MACROD2: variants seen among roughly 807,000 people sequenced by gnomAD.
The protein encoded by MACROD2 is mono-ADP ribosylhydrolase 2, also known as ADP-ribose glycohydrolase MACROD2.
Under a neutral mutation model 70.4 loss-of-function variants are expected in MACROD2, and 36 were observed. That is an observed-to-expected ratio of 0.51 (90% CI 0.39 to 0.68). The LOEUF is 0.68. Among genes scored for constraint, MACROD2 ranks in the 30% least tolerant of loss-of-function variants. MACROD2 has a pLI of 0.00. For missense variants in MACROD2, 496 were observed against 538.4 expected (o/e 0.92, Z 0.78); for synonymous variants, 172 against 178.8 (o/e 0.96, Z 0.30).
chr20:14,178,199 A>G (rs985018578), intron 3 of MACROD2, among the ~76,000 whole-genome samples: 1 of 152,186 alleles, frequency 6.6e-6, no homozygotes, highest in Non-Finnish European at 1.5e-5. Context: ...AAAAGTCTAA[A>G]GAAATCTTCT....
At chr20:15,719,007 T>C (rs1441525332) in intron 8 of MACROD2, among the ~76,000 whole-genome samples, 3 of 152,212 alleles carry the variant, frequency 2.0e-5, no homozygotes, top group African/African-American at 7.2e-5. Context: ...TAAACAGTTT[T>C]CTAATCCTAA....
At chr20:15,288,734 T>C (rs2077514101) in intron 6 of MACROD2, among the ~76,000 whole-genome samples, 1 of 152,140 alleles carries the variant, frequency 6.6e-6, no homozygotes, top group African/African-American at 2.4e-5. Context: ...GGATTTGTAC[T>C]GAGTCATGCT....
chr20:14,971,778 C>T (rs769708202), intron 5 of MACROD2, among the ~76,000 whole-genome samples: 1 of 152,084 alleles, frequency 6.6e-6, no homozygotes, highest in Non-Finnish European at 1.5e-5. Context: ...CCACCCCACC[C>T]TAATCTTATA....
chr20:14,796,319 T>C lies in MACROD2; in HGVS notation c.418+111360T>C, dbSNP rs551589052. Among the ~76,000 whole-genome samples, 20 of 152,210 alleles carry C rather than the reference T, an allele frequency of 1.3e-4. No homozygotes were observed. In the East Asian group the frequency reaches 2.9e-3, roughly 22 times the overall value. ...ACTGTAGGGCATTCGCTGAAAATGA[T>C]GACCAAGAATTGTTTAAGTGCAACC... On this transcript the variant is annotated intron_variant, in intron 5 of 17. Transcript: ENST00000684519.
At chr20:15,899,567 C>G (rs1446664527) in intron 10 of MACROD2, among the ~76,000 whole-genome samples, 1 of 152,164 alleles carries the variant, frequency 6.6e-6, no homozygotes, top group Non-Finnish European at 1.5e-5. Context: ...CTATATGTTG[C>G]TAAGTTCAGT....
chr20:14,258,217 C>A (rs1479746063), intron 3 of MACROD2, among the ~76,000 whole-genome samples: 1 of 152,036 alleles, frequency 6.6e-6, no homozygotes, highest in Non-Finnish European at 1.5e-5. Context: ...TGTCTTTTTT[C>A]ATATAATGAC....
intron 5 of MACROD2, among the ~76,000 whole-genome samples, chr20:14,966,468 C>T (rs1326773266): frequency 6.6e-6 from 1 of 152,124 alleles, no homozygotes; most frequent in African/African-American, 2.4e-5. Context: ...CCCAGCTACT[C>T]AGGAGGCTGA....
intron 5 of MACROD2, among the ~76,000 whole-genome samples, chr20:15,173,205 T>G (rs1308796806): frequency 6.6e-6 from 1 of 152,176 alleles, no homozygotes; most frequent in Non-Finnish European, 1.5e-5. Context: ...CTTTATCTAA[T>G]ATATAATTAA....
At chr20:14,643,703 C>A (rs1228732453) in intron 4 of MACROD2, among the ~76,000 whole-genome samples, 1 of 152,140 alleles carries the variant, frequency 6.6e-6, no homozygotes, top group Non-Finnish European at 1.5e-5. Context: ...GTTAGATAGT[C>A]ATGTGGTTTA....
intron 3 of MACROD2, among the ~76,000 whole-genome samples, chr20:14,116,846 A>C (rs1396759222): frequency 1.3e-5 from 2 of 152,130 alleles, no homozygotes; most frequent in Non-Finnish European, 2.9e-5. Context: ...AGGCAGTTGG[A>C]TCACGAGGTC....
intron 6 of MACROD2, among the ~76,000 whole-genome samples, chr20:15,311,933 TA>T (rs1223172767): frequency 6.6e-6 from 1 of 151,790 alleles, no homozygotes; most frequent in African/African-American, 2.4e-5. Flanking sequence ...GAATCTAAAA[TA>T]AAAGTTGAAA....
chr20:15,759,939 G>T (rs952937673), intron 8 of MACROD2, among the ~76,000 whole-genome samples: 1 of 152,116 alleles, frequency 6.6e-6, no homozygotes, highest in Non-Finnish European at 1.5e-5. Flanking sequence ...TTCCCAAGAG[G>T]AGAACTGAAT....
chr20:15,552,945 A>G (rs1176302631), intron 8 of MACROD2: 6 of 152,148 alleles, frequency 3.9e-5, no homozygotes, highest in Non-Finnish European at 7.4e-5. Context: ...TCCCAAATAA[A>G]CTAACTGAAT....
intron 3 of MACROD2, among the ~76,000 whole-genome samples, chr20:14,141,865 TA>T (rs1349655067): frequency 1.3e-5 from 2 of 151,576 alleles, no homozygotes; most frequent in Non-Finnish European, 2.9e-5. Flanking sequence ...TTTTTCAGCT[TA>T]AAAAATTATA....
intron 8 of MACROD2, among the ~76,000 whole-genome samples, chr20:15,758,138 C>T (rs188095288): frequency 1.8e-4 from 27 of 151,660 alleles, no homozygotes; most frequent in Admixed American, 1.7e-3. Flanking sequence ...GTATTTATTA[C>T]TTAAAAGTTA....
chr20:14,284,063 A>G (rs914525177), intron 3 of MACROD2, among the ~76,000 whole-genome samples: 22 of 152,240 alleles, frequency 1.4e-4, no homozygotes, highest in African/African-American at 3.9e-4. Context: ...AATCTGCTTT[A>G]AAATTGCCAT....
chr20:14,943,633 A>G (rs2074407757), intron 5 of MACROD2, among the ~76,000 whole-genome samples: 1 of 152,176 alleles, frequency 6.6e-6, no homozygotes, highest in Admixed American at 6.5e-5. Context: ...CCCCCTAAAC[A>G]AAGTAAATTT....
At chr20:14,091,762 G>C (rs951095671) in intron 3 of MACROD2, among the ~76,000 whole-genome samples, 1 of 152,064 alleles carries the variant, frequency 6.6e-6, no homozygotes, top group African/African-American at 2.4e-5. Flanking sequence ...TATTAATTCA[G>C]TAATTGTTCA....
intron 10 of MACROD2, chr20:15,892,790 A>G (rs2064909138): frequency 5.1e-6 from 2 of 393,930 alleles, no homozygotes; most frequent in Non-Finnish European, 4.5e-6. Flanking sequence ...TCGCTCAGCC[A>G]TGATGACAGA....
Sources: allele counts gnomAD v4.1 joint callset (sites outside exome capture counted in the v4.1 genomes callset), GRCh38; gene constraint gnomAD v4.1.1; transcripts MANE v1.5; gene names NCBI Gene and HGNC (gene_info 2026-07-23, HGNC 2026-07-21).